SLC35F1: variants seen among roughly 807,000 people sequenced by gnomAD.
The protein encoded by SLC35F1 is solute carrier family 35 member F1.
In SLC35F1, 14 loss-of-function variants were observed where a neutral mutation model predicts 48.7. The ratio of observed to expected loss-of-function variants is 0.29; its 90% CI spans 0.19 to 0.45. The LOEUF is 0.45. Among genes scored for constraint, SLC35F1 ranks in the 20% least tolerant of loss-of-function variants. SLC35F1 has a pLI of 1.00. For missense variants in SLC35F1, 404 were observed against 500.0 expected, an observed-to-expected ratio of 0.81 and a Z score of 1.83; for synonymous variants, 190 against 202.2, an observed-to-expected ratio of 0.94 and a Z score of 0.51.
chr6:118,268,441 T>C (rs1003479015), intron 4 of SLC35F1, among the ~76,000 whole-genome samples: 1 of 151,900 alleles, frequency 6.6e-6, no homozygotes, highest in Non-Finnish European at 1.5e-5. Flanking sequence ...ACTGGTTCCA[T>C]GACATATTGA....
At chr6:117,977,467 G>T (rs867192942) in intron 1 of SLC35F1, among the ~76,000 whole-genome samples, 77 of 152,222 alleles carry the variant, frequency 5.1e-4, no homozygotes, top group African/African-American at 1.8e-3. Flanking sequence ...ACATGAAAAT[G>T]TTAGCTAAGT....
At chr6:118,122,244 C>G (rs1298671245) in intron 1 of SLC35F1, among the ~76,000 whole-genome samples, 2 of 139,202 alleles carry the variant, frequency 1.4e-5, no homozygotes, top group African/African-American at 5.4e-5. Context: ...TTGTTCTACT[C>G]AGAAAAAAAA....
chr6:118,004,934 A>G (rs1255955976), intron 1 of SLC35F1, among the ~76,000 whole-genome samples: 1 of 152,018 alleles, frequency 6.6e-6, no homozygotes, highest in Non-Finnish European at 1.5e-5. Context: ...GGGAATATAC[A>G]GTCTCAGGCA....
chr6:118,119,934 C>T (rs1312305983), intron 1 of SLC35F1, among the ~76,000 whole-genome samples: 1 of 152,154 alleles, frequency 6.6e-6, no homozygotes, highest in Non-Finnish European at 1.5e-5. Flanking sequence ...AAAACAGCCA[C>T]TTAAGACCAT....
intron 2 of SLC35F1, among the ~76,000 whole-genome samples, chr6:118,159,011 A>G (rs977959847): frequency 3.3e-5 from 5 of 151,810 alleles, no homozygotes; most frequent in East Asian, 1.9e-4. Context: ...ACGAGGTCAG[A>G]AGATCGAGAT....
intron 1 of SLC35F1, among the ~76,000 whole-genome samples, chr6:117,954,795 C>T (rs899945270): frequency 1.3e-5 from 2 of 152,144 alleles, no homozygotes; most frequent in African/African-American, 4.8e-5. Flanking sequence ...TAATCACAGG[C>T]TGTGTCCTTT....
chr6:118,212,771 GAA>G lies in SLC35F1; in HGVS notation c.350-22737_350-22736del, dbSNP rs2114551097. Among the ~76,000 whole-genome samples, 3 of 131,544 alleles carry G rather than the reference GAA, an allele frequency of 2.3e-5. No individual in the cohort carries two copies. The East Asian group carries it at 6.1e-4, about 27-fold the overall frequency. The allele number at this position is 131,544 out of a possible 152,430, so 86.3% of individuals were successfully genotyped here. On this transcript the variant is annotated intron_variant, in intron 2 of 7. Coordinates refer to ENST00000360388, the MANE Select transcript of SLC35F1 (RefSeq NM_001029858.4). ...GGAAGGAAGGAAGGAAGGAAGGAAG[GAA>G]GGAAGGAAGGAAGGAAGGAAAGAAG...
chr6:118,009,285 C>T (rs1301947053), intron 1 of SLC35F1, among the ~76,000 whole-genome samples: 1 of 152,100 alleles, frequency 6.6e-6, no homozygotes, highest in Non-Finnish European at 1.5e-5. Context: ...GATGGTGGTA[C>T]TCTTTAATTT....
intron 1 of SLC35F1, among the ~76,000 whole-genome samples, chr6:118,054,676 TAGAA>T (rs1211206748): frequency 6.6e-6 from 1 of 152,234 alleles, no homozygotes; most frequent in Non-Finnish European, 1.5e-5. Context: ...CCTCTTCAGT[TAGAA>T]CCGATGGGTA....
chr6:118,277,655 G>T (rs1470115117), intron 6 of SLC35F1, 109 bp downstream of exon 6: 1 of 903,750 alleles, frequency 1.1e-6, no homozygotes, highest in Non-Finnish European at 1.8e-6. Context: ...AGAGTGGTAG[G>T]GGACAAGGGA....
chr6:118,309,636 A>T (rs191836527), intron 7 of SLC35F1, among the ~76,000 whole-genome samples: 1 of 152,384 alleles, frequency 6.6e-6, no homozygotes, highest in East Asian at 1.9e-4. Flanking sequence ...ATGTACTTTG[A>T]AATGACTTTC....
chr6:118,096,027 C>T (rs1328928888), intron 1 of SLC35F1, among the ~76,000 whole-genome samples: 2 of 152,078 alleles, frequency 1.3e-5, no homozygotes, highest in Admixed American at 1.3e-4. Context: ...ATGTGAGAGG[C>T]ATAATATGGT....
chr6:118,053,747 T>A (rs1160841195), intron 1 of SLC35F1, among the ~76,000 whole-genome samples: 1 of 152,180 alleles, frequency 6.6e-6, no homozygotes, highest in Non-Finnish European at 1.5e-5. Flanking sequence ...TTAGGGTTTT[T>A]ATTTTTTGCA....
intron 1 of SLC35F1, among the ~76,000 whole-genome samples, chr6:117,979,919 T>C (rs1299058526): frequency 6.6e-6 from 1 of 152,216 alleles, no homozygotes; most frequent in Non-Finnish European, 1.5e-5. Context: ...CTGATTCATG[T>C]TTCTCCTAAC....
intron 1 of SLC35F1, among the ~76,000 whole-genome samples, chr6:117,950,305 A>G (rs1776347135): frequency 1.3e-5 from 2 of 152,122 alleles, no homozygotes; most frequent in African/African-American, 2.4e-5. Context: ...TAGATTTTGG[A>G]TGCTTGTGGA....
intron 1 of SLC35F1, among the ~76,000 whole-genome samples, chr6:117,940,467 T>C (rs1776216109): frequency 6.6e-6 from 1 of 152,168 alleles, no homozygotes; most frequent in African/African-American, 2.4e-5. Context: ...AGAACTACCA[T>C]GTGATCCAGC....
intron 1 of SLC35F1, among the ~76,000 whole-genome samples, chr6:118,048,863 C>T (rs1017168304): frequency 1.3e-5 from 2 of 152,150 alleles, no homozygotes; most frequent in African/African-American, 4.8e-5. Context: ...GAAAAAACTA[C>T]TTTAAAGTTC....
rs1562280777 is a variant in SLC35F1, at chr6:118,070,956, C to CACATAGTATATATATTCTACGTGTG, written c.174-83489_174-83488insACATAGTATATATATTCTACGTGTG. Reference sequence around the variant, plus strand: ...ACTATATATACATAGTATATATATACTGTGTATATATATACACATAGTATA... The same window carrying CACATAGTATATATATTCTACGTGTG: ...ACTATATATACATAGTATATATATACACATAGTATATATATTCTACGTGTGTGTGTATATATATACACATAGTATA... On this transcript the variant is annotated intron_variant, in intron 1 of 7. Transcript: ENST00000360388. 3.1e-4 allele frequency among the ~76,000 whole-genome samples: 8 copies of CACATAGTATATATATTCTACGTGTG among 25,774 alleles called. No homozygotes were observed. The East Asian group carries it at 0.01, about 33-fold the overall frequency. 16.9% of individuals were successfully genotyped at this position (25,774 alleles called of 152,430 possible). A position where few individuals can be genotyped will look rare whatever the true frequency, so the allele number is the denominator to read the frequency against.
intron 3 of SLC35F1, among the ~76,000 whole-genome samples, chr6:118,262,405 G>C (rs1053414524): frequency 3.9e-5 from 6 of 152,102 alleles, no homozygotes; most frequent in African/African-American, 1.4e-4. Flanking sequence ...AAAAGAAAAA[G>C]AGGTAGGGAG....
Sources: gnomAD v4.1 joint callset for allele counts (sites outside exome capture counted in the v4.1 genomes callset) on GRCh38, gnomAD v4.1.1 for gene constraint, MANE v1.5 for transcripts, NCBI Gene and HGNC (gene_info 2026-07-23, HGNC 2026-07-21) for gene names.